Variants in ANKS1A observed in about 807,000 individuals in gnomAD.
The protein encoded by ANKS1A is ankyrin repeat and sterile alpha motif domain containing 1A, also known as ankyrin repeat and SAM domain-containing protein 1A.
ANKS1A carries 55 observed loss-of-function variants against 120.3 expected under a neutral mutation model. That is an observed-to-expected ratio of 0.46 (90% CI 0.37 to 0.57). The LOEUF (loss-of-function observed/expected upper bound fraction) is 0.57. ANKS1A is among the 20% of genes least tolerant of loss of function. ANKS1A has a pLI of 0.00. For synonymous variants in ANKS1A, 590 were observed against 604.7 expected (o/e 0.98, Z 0.36); for missense variants, 1,123 against 1,480.3 (o/e 0.76, Z 3.96).
chr6:34,894,544 C>G (rs1465608101), intron 1 of ANKS1A, among the ~76,000 whole-genome samples: 1 of 151,958 alleles, frequency 6.6e-6, no homozygotes, highest in Non-Finnish European at 1.5e-5. Flanking sequence ...CCCAGCTACT[C>G]GGGAGGCTGA....
chr6:35,086,120 G>A lies in ANKS1A; in HGVS notation c.3303+184G>A. On this transcript the variant is annotated intron_variant, in intron 22 of 23. Transcript: ENST00000360359. This position sits in a 1 kb window ranked among gnomAD's most constrained non-coding sequence, Gnocchi z 5.1. Reference sequence around the variant, plus strand: ...CCCTGGAAAGGCAGCAGCTCCTCTGGCCTGGGCGGGCCTCTCATGCTCCTG... The same window carrying A: ...CCCTGGAAAGGCAGCAGCTCCTCTGACCTGGGCGGGCCTCTCATGCTCCTG... The A allele has an allele frequency of 8.7e-7, 1 of 1,145,928 alleles. No individual in the cohort carries two copies. 71.0% of individuals were successfully genotyped at this position (1,145,928 alleles called of 1,614,324 possible).
chr6:34,983,383 C>T lies in ANKS1A; in HGVS notation c.970C>T (p.Pro324Ser), dbSNP rs1356047490. The change falls in exon 7 of 24, where the codon CCT (proline) becomes TCT (serine). Residue 324 changes from proline to serine, a missense_variant. By Grantham distance (74) the Pro-to-Ser change is moderately conservative. Transcript: ENST00000360359. ...AGATAAAACCCCCCCACCCCAGCCA[C>T]CTCTCATCTCCAGTATGGACTCCAT... ...EVDKTPPPQP[P>S]LISSMDSISQ... is the part of the protein sequence containing the mutation. 8 of 1,613,842 alleles carry T rather than the reference C, an allele frequency of 5.0e-6. No homozygotes were observed. The highest frequency in any genetic ancestry group is 2.7e-5 in the African/African-American group (2 of 74,826).
At chr6:35,067,890 T>C (rs1399543741) in intron 13 of ANKS1A, among the ~76,000 whole-genome samples, 1 of 53,672 alleles carries the variant, frequency 1.9e-5, no homozygotes, top group Non-Finnish European at 3.7e-5. Flanking sequence ...TTTTCAATTT[T>C]TTTTTTTTTT....
intron 11 of ANKS1A, among the ~76,000 whole-genome samples, chr6:35,034,669 T>A (rs949772509): frequency 6.6e-6 from 1 of 152,234 alleles, no homozygotes; most frequent in African/African-American, 2.4e-5. Context: ...TATCATTGCA[T>A]CATTTGCTAA....
chr6:34,981,676 T>C lies in ANKS1A; in HGVS notation c.436-14T>C. On this transcript the variant is annotated splice_polypyrimidine_tract_variant and intron_variant, in intron 3 of 23. Coordinates refer to ENST00000360359, the MANE Select transcript of ANKS1A (RefSeq NM_015245.3). ...AGTGACCTTTCTGATGTGATCTGCT[T>C]GTTAACCCTTTAGAACAATGACAAC... is the stretch of plus-strand genomic sequence containing the variant. 6.2e-7 allele frequency: 1 copy of C among 1,612,546 alleles called. No individual in the cohort carries two copies. Among genetic ancestry groups the C allele is most frequent in the Non-Finnish European group, 8.5e-7 (1 of 1,178,786 alleles).
At chr6:35,047,355 G>A (rs1438801084) in intron 11 of ANKS1A, among the ~76,000 whole-genome samples, 7 of 152,154 alleles carry the variant, frequency 4.6e-5, no homozygotes, top group Admixed American at 2.6e-4. Flanking sequence ...AGAAGTTTAG[G>A]ATGTTTTCTT....
At chr6:34,983,681 A>G (rs1448162535) in intron 7 of ANKS1A, among the ~76,000 whole-genome samples, 1 of 152,034 alleles carries the variant, frequency 6.6e-6, no homozygotes, top group Non-Finnish European at 1.5e-5. Context: ...CTATTCTGAG[A>G]TGTGTAGTAG....
chr6:34,996,587 C>T (rs983831489), intron 10 of ANKS1A, among the ~76,000 whole-genome samples: 1 of 152,040 alleles, frequency 6.6e-6, no homozygotes, highest in Non-Finnish European at 1.5e-5. Flanking sequence ...ATTCTCCTGC[C>T]TCAGCCTCCC....
At chr6:34,893,991 C>T (rs1225161920) in intron 1 of ANKS1A, among the ~76,000 whole-genome samples, 1 of 152,114 alleles carries the variant, frequency 6.6e-6, no homozygotes, top group African/African-American at 2.4e-5. Context: ...AAAGGATAAG[C>T]AATAGATTAT....
chr6:34,965,483 C>G (rs895795539), intron 1 of ANKS1A, among the ~76,000 whole-genome samples: 1 of 152,022 alleles, frequency 6.6e-6, no homozygotes, highest in Non-Finnish European at 1.5e-5. Context: ...TCCTGAGTAG[C>G]TAGGACTACA....
intron 8 of ANKS1A, among the ~76,000 whole-genome samples, chr6:34,986,465 T>C (rs185032150): frequency 4.6e-5 from 7 of 152,344 alleles, no homozygotes; most frequent in Non-Finnish European, 7.3e-5. Context: ...AATGAGATCC[T>C]AGTGCTAACC....
chr6:34,998,772 T>C (rs1447841974), intron 10 of ANKS1A, among the ~76,000 whole-genome samples: 2 of 152,170 alleles, frequency 1.3e-5, no homozygotes, highest in Admixed American at 6.5e-5. Flanking sequence ...TCCCAGCTGA[T>C]TAAAGCCACT....
intron 1 of ANKS1A, among the ~76,000 whole-genome samples, chr6:34,895,377 T>G (rs868143570): frequency 4.0e-4 from 61 of 152,144 alleles, no homozygotes; most frequent in African/African-American, 1.3e-3. Context: ...AGTGTTATTA[T>G]TTTTTAAACA....
chr6:34,909,488 A>C (rs1286445080), intron 1 of ANKS1A, among the ~76,000 whole-genome samples: 2 of 152,250 alleles, frequency 1.3e-5, no homozygotes, highest in African/African-American at 4.8e-5. Context: ...AAGTGCGTTT[A>C]AATGGTCAAG....
At position 35,049,206 on chromosome 6, in the gene ANKS1A, TGAG is replaced by T. The variant is rs1180204891; in HGVS notation, c.2011-4888_2011-4886del. On this transcript the variant is annotated intron_variant, in intron 11 of 23. Coordinates refer to ENST00000360359, the MANE Select transcript of ANKS1A (RefSeq NM_015245.3). ...TCAGAGAGTCAGAAAAACGTAAAAATGAGGAGGGAAAGGGAGTTAGAGAATTCA... is the reference window on the plus strand; with the variant it reads ...TCAGAGAGTCAGAAAAACGTAAAAATGAGGGAAAGGGAGTTAGAGAATTCA... Among the ~76,000 whole-genome samples, 6 of 151,908 alleles carry T rather than the reference TGAG, an allele frequency of 3.9e-5. No individual in the cohort carries two copies. In the East Asian group the frequency reaches 1.2e-3, roughly 29 times the overall value.
chr6:34,970,008 A>G lies in ANKS1A; in HGVS notation c.279-2A>G. The G allele has an allele frequency of 6.2e-7, 1 of 1,612,330 alleles. No homozygotes were observed. The highest frequency in any genetic ancestry group is 8.5e-7 in the Non-Finnish European group (1 of 1,179,320). On this transcript the variant is annotated splice_acceptor_variant, in intron 2 of 23. Transcript: ENST00000360359. LOFTEE classifies it high-confidence loss of function. ...AACTCATGATTGATTTTTGCCTTCT[A>G]GGGATGTGGTCGAGGTTCTTCTGAG...
chr6:35,020,642 C>T lies in ANKS1A; in HGVS notation c.2010+2583C>T, dbSNP rs372115999. 4.6e-5 allele frequency among the ~76,000 whole-genome samples: 7 copies of T among 152,322 alleles called. No individual in the cohort carries two copies. The South Asian group carries it at 1.4e-3, about 32-fold the overall frequency. ...AGGATATTTATGTCCTGTTAACATG[C>T]AGCATTTCTGGGCAGCCTTATGGGC... On this transcript the variant is annotated intron_variant, in intron 11 of 23. Transcript: ENST00000360359.
intron 3 of ANKS1A, among the ~76,000 whole-genome samples, chr6:34,979,078 G>A (rs1423742475): frequency 6.6e-6 from 1 of 151,870 alleles, no homozygotes; most frequent in African/African-American, 2.4e-5. Context: ...TGTATTTTTA[G>A]TGGAGACGGG....
chr6:35,002,355 C>T (rs1581627363), intron 10 of ANKS1A, among the ~76,000 whole-genome samples: 3 of 152,114 alleles, frequency 2.0e-5, no homozygotes, highest in South Asian at 4.1e-4. Flanking sequence ...CAGTTACACC[C>T]GGAAGCTGAC....
Sources: gnomAD v4.1 joint callset for allele counts (sites outside exome capture counted in the v4.1 genomes callset) on GRCh38, gnomAD v4.1.1 for gene constraint, Gnocchi (gnomAD v3.1) non-coding constraint, MANE v1.5 for transcripts, NCBI Gene and HGNC (gene_info 2026-07-23, HGNC 2026-07-21) for gene names.